Variants in LRP1B observed in about 807,000 individuals in gnomAD.
LRP1B encodes LDL receptor related protein 1B, also known as low-density lipoprotein receptor-related protein 1B.
Under a neutral mutation model 556.6 loss-of-function variants are expected in LRP1B, and 217 were observed. The ratio of observed to expected loss-of-function variants is 0.39; its 90% CI spans 0.35 to 0.44. The LOEUF is 0.44. Ranked by LOEUF, LRP1B falls within the 20% of genes least tolerant of loss-of-function variation. The probability of loss-of-function intolerance (pLI) is 1.00; values close to 1 mark genes in which losing one functional copy is unlikely to be tolerated. For synonymous variants in LRP1B, 2,047 were observed against 1,865.8 expected, an observed-to-expected ratio of 1.10 and a Z score of -2.50; for missense variants, 5,053 against 5,620.8, an observed-to-expected ratio of 0.90 and a Z score of 3.23.
At chr2:141,058,805 A>C (rs1699256344) in intron 9 of LRP1B, 78 bp downstream of exon 9, 2 of 1,255,738 alleles carry the variant, frequency 1.6e-6, no homozygotes, top group Non-Finnish European at 2.1e-6. Flanking sequence ...ACTCACTTCA[A>C]CACCATACAA....
intron 2 of LRP1B, among the ~76,000 whole-genome samples, chr2:141,666,904 TG>T (rs1484531674): frequency 6.6e-5 from 10 of 152,176 alleles, no homozygotes; most frequent in African/African-American, 2.2e-4. Flanking sequence ...AGAGCATTAC[TG>T]GATGTTTTTC....
chr2:140,555,673 T>G lies in LRP1B; in HGVS notation c.7195-13702A>C, dbSNP rs145364731. On this transcript the variant is annotated intron_variant, in intron 43 of 90. Coordinates refer to ENST00000389484, the MANE Select transcript of LRP1B (RefSeq NM_018557.3). The stretch of plus-strand genomic sequence containing the variant: ...TTTGAATCTTTATTTTTTAAAGTGT[T>G]GCAAACTAAAAAATCAACTTAAAAA... Among the ~76,000 whole-genome samples, 542 of 152,208 alleles carry G rather than the reference T, an allele frequency of 3.6e-3. 4 individuals carry two copies. The highest frequency in any genetic ancestry group is 0.013 in the African/African-American group (527 of 41,564).
At chr2:142,061,617 G>A (rs780868749) in intron 1 of LRP1B, among the ~76,000 whole-genome samples, 15 of 151,868 alleles carry the variant, frequency 9.9e-5, no homozygotes, top group Admixed American at 2.6e-4. Flanking sequence ...ATGTCTCAGG[G>A]TTCCCTGTGT....
At chr2:141,060,459 C>T (rs1323506416) in intron 8 of LRP1B, among the ~76,000 whole-genome samples, 2 of 151,678 alleles carry the variant, frequency 1.3e-5, no homozygotes, top group Admixed American at 6.6e-5. Flanking sequence ...TATCTATGGT[C>T]CAATTTTGAC....
At chr2:141,708,619 T>C (rs1692238885) in intron 2 of LRP1B, among the ~76,000 whole-genome samples, 1 of 152,168 alleles carries the variant, frequency 6.6e-6, no homozygotes, top group African/African-American at 2.4e-5. Flanking sequence ...CTAATGACTC[T>C]TCATTATAGT....
At chr2:141,204,502 G>C (rs561358962) in intron 6 of LRP1B, among the ~76,000 whole-genome samples, 1 of 152,214 alleles carries the variant, frequency 6.6e-6, no homozygotes, top group South Asian at 2.1e-4. Context: ...AATAGAAATT[G>C]GGGTGTTATT....
intron 1 of LRP1B, among the ~76,000 whole-genome samples, chr2:141,987,159 T>TA (rs59285183): frequency 0.87 from 131,689 of 151,918 alleles, 57,171 homozygotes; most frequent in East Asian, 0.95. Flanking sequence ...ACATTTTGGT[T>TA]TGACTGTATC....
chr2:141,601,909 T>G (rs1687759923), intron 2 of LRP1B, among the ~76,000 whole-genome samples: 1 of 152,096 alleles, frequency 6.6e-6, no homozygotes, highest in South Asian at 2.1e-4. Context: ...GCCTTAGCAT[T>G]ATTTTCTTAA....
chr2:142,051,220 T>C (rs990749024), intron 1 of LRP1B, among the ~76,000 whole-genome samples: 4 of 152,032 alleles, frequency 2.6e-5, no homozygotes, highest in Non-Finnish European at 5.9e-5. Flanking sequence ...GAAAGGACAT[T>C]CACGTAGGAG....
At chr2:140,632,178 C>G (rs1683910504) in intron 41 of LRP1B, among the ~76,000 whole-genome samples, 1 of 152,008 alleles carries the variant, frequency 6.6e-6, no homozygotes, top group Non-Finnish European at 1.5e-5. Flanking sequence ...GAAAATGATA[C>G]AAGTCAAAAC....
At chr2:140,885,851 T>C (rs1693621722) in intron 24 of LRP1B, among the ~76,000 whole-genome samples, 1 of 150,760 alleles carries the variant, frequency 6.6e-6, no homozygotes, top group Admixed American at 6.6e-5. Context: ...TGACTAATGG[T>C]ATGTAACAAC....
intron 17 of LRP1B, among the ~76,000 whole-genome samples, chr2:140,988,264 G>T (rs1293149232): frequency 6.6e-6 from 1 of 151,978 alleles, no homozygotes; most frequent in African/African-American, 2.4e-5. Flanking sequence ...GGACTGGATG[G>T]TCTCTGGAGG....
chr2:141,627,044 C>A (rs1356916613), intron 2 of LRP1B, among the ~76,000 whole-genome samples: 1 of 152,160 alleles, frequency 6.6e-6, no homozygotes, highest in Non-Finnish European at 1.5e-5. Flanking sequence ...TAGAAGCAAT[C>A]AAGATGTTCT....
intron 18 of LRP1B, among the ~76,000 whole-genome samples, chr2:140,952,569 A>G (rs565251124): frequency 6.6e-6 from 1 of 152,214 alleles, no homozygotes; most frequent in Non-Finnish European, 1.5e-5. Context: ...TTAGATTTCA[A>G]GATGAATTTT....
At chr2:141,711,436 G>A (rs1692352886) in intron 2 of LRP1B, among the ~76,000 whole-genome samples, 1 of 152,186 alleles carries the variant, frequency 6.6e-6, no homozygotes, top group African/African-American at 2.4e-5. Flanking sequence ...CTGAATTGCA[G>A]AGAAAGGCAT....
chr2:141,061,263 A>G (rs528579679), intron 8 of LRP1B, among the ~76,000 whole-genome samples: 157 of 151,904 alleles, frequency 1.0e-3, no homozygotes, highest in South Asian at 5.4e-3. Context: ...AAAGCTGATT[A>G]GAAAGTAAAA....
At chr2:141,308,731 C>T (rs2105444577) in intron 3 of LRP1B, among the ~76,000 whole-genome samples, 1 of 152,222 alleles carries the variant, frequency 6.6e-6, no homozygotes, top group Admixed American at 6.5e-5. Flanking sequence ...TCACACACAG[C>T]TTCATAAACA....
rs560873357 is a variant in LRP1B, at chr2:141,570,700, G to A, written c.206-90167C>T. Among the ~76,000 whole-genome samples the A allele has an allele frequency of 4.6e-5, 7 of 151,482 alleles. No homozygotes were observed. In the East Asian group the frequency reaches 9.7e-4, roughly 21 times the overall value. Reference sequence around the variant, plus strand: ...GCATCCATCTCTATAGCTTCAGGCTGTGCTTTTCCCCCTGCTGAAGCCAAG... The same window carrying A: ...GCATCCATCTCTATAGCTTCAGGCTATGCTTTTCCCCCTGCTGAAGCCAAG... On this transcript the variant is annotated intron_variant, in intron 2 of 90. Transcript: ENST00000389484.
At position 141,188,461 on chromosome 2, in the gene LRP1B, G is replaced by C. The variant is rs146879702; in HGVS notation, c.973C>G (p.Leu325Val). Residue 325 changes from leucine to valine, a missense_variant, in exon 7 of 91, where the codon CTT becomes GTT. Leu to Val is a conservative substitution (Grantham distance 32). This residue lies in a region of LRP1B where 3,619 missense variants were observed against 3,931.9 expected (regional missense o/e 0.92). Coordinates refer to ENST00000389484, the MANE Select transcript of LRP1B (RefSeq NM_018557.3). Reference sequence around the variant, plus strand: ...ACTGCTATTGCTTTAGGATTGTGAAGCTCCAGATCAATCAGGGTGACACAT... The same window carrying C: ...ACTGCTATTGCTTTAGGATTGTGAACCTCCAGATCAATCAGGGTGACACAT... ...SVCVTLIDLE[L>V]HNPKAIAVDP... is the part of the protein sequence containing the mutation. 1 of 1,612,570 alleles carries C rather than the reference G, an allele frequency of 6.2e-7. No homozygotes were observed. The highest frequency in any genetic ancestry group is 1.1e-5 in the South Asian group (1 of 91,022).
Sources: allele counts gnomAD v4.1 joint callset (sites outside exome capture counted in the v4.1 genomes callset), GRCh38; gene constraint gnomAD v4.1.1; regional missense constraint gnomAD v4.1.1; transcripts MANE v1.5; gene names NCBI Gene and HGNC (gene_info 2026-07-23, HGNC 2026-07-21).